The following EFTUD2 variants were observed in gnomAD, a reference collection of about 807,000 sequenced individuals.
EFTUD2 encodes the protein elongation factor Tu GTP binding domain containing 2.
Under a neutral mutation model 114.3 loss-of-function variants are expected in EFTUD2, and 9 were observed. The ratio of observed to expected loss-of-function variants is 0.08; its 90% CI spans 0.05 to 0.14. The LOEUF (loss-of-function observed/expected upper bound fraction) is 0.14, where lower values mean the gene tolerates loss of function less well. Among genes scored for constraint, EFTUD2 ranks in the 10% least tolerant of loss-of-function variants. The pLI is 1.00. For missense variants in EFTUD2, 765 were observed against 1,241.2 expected (o/e 0.62, Z 5.76); for synonymous variants, 449 against 462.3 (o/e 0.97, Z 0.37).
At chr17:44,883,978 A>C in intron 4 of EFTUD2, 1 of 468,444 alleles carries the variant, frequency 2.1e-6, no homozygotes, top group South Asian at 2.4e-5. Context: ...CTAAAAAAGG[A>C]AGAAGAGGCT....
chr17:44,875,988 G>T lies in EFTUD2; in HGVS notation c.815C>A (p.Thr272Asn). 3 of 1,614,150 alleles carry T rather than the reference G, an allele frequency of 1.9e-6. No homozygotes were observed. The highest frequency in any genetic ancestry group is 2.5e-6 in the Non-Finnish European group (3 of 1,180,046). The change falls in exon 10 of 28, where the codon ACT (threonine) becomes AAT (asparagine). Residue 272 changes from threonine (T) to asparagine (N), a missense_variant. Transcript: ENST00000426333. ...RLILELKLPP[T>N]DAYYKLRHIV... ...GTGGCGCAGCTTGTAATAAGCATCA[G>T]TTGGAGGCAGCTTCAGCTCCAGGAT... is the stretch of plus-strand genomic sequence containing the variant.
At chr17:44,860,084 T>A in intron 17 of EFTUD2, 39 bp from the exon 18 acceptor site, 1 of 1,614,078 alleles carries the variant, frequency 6.2e-7, no homozygotes, top group Non-Finnish European at 8.5e-7. Context: ...GCAACTGGCA[T>A]GAGCAGGCAC....
intron 2 of EFTUD2, among the ~76,000 whole-genome samples, chr17:44,893,132 T>G (rs73307474): frequency 0.048 from 7,262 of 151,916 alleles, 184 homozygotes; most frequent in Non-Finnish European, 0.058. Flanking sequence ...TTTTTTTTTT[T>G]TTTGTTTGAG....
intron 19 of EFTUD2, among the ~76,000 whole-genome samples, chr17:44,858,359 C>T (rs182957143): frequency 1.6e-3 from 245 of 152,246 alleles, no homozygotes; most frequent in African/African-American, 5.8e-3. Context: ...CTTCAGCCTG[C>T]GGAGTAGCTG....
Position 44,883,175 on chromosome 17 carries a change from A to G in EFTUD2, c.427-17T>C. On this transcript the variant is annotated splice_polypyrimidine_tract_variant and intron_variant, in intron 5 of 27. Transcript: ENST00000426333. ...AAAACATGTCTAAAAGGGAAGAAAC[A>G]GTTAACATCTGCCGACCACAGAGGA... 1.2e-6 allele frequency: 2 copies of G among 1,613,814 alleles called. No homozygotes were observed. Among genetic ancestry groups the G allele is most frequent in the Non-Finnish European group, 1.7e-6 (2 of 1,179,778 alleles).
rs1288938671 is a variant in EFTUD2, at chr17:44,851,706, A to G, written c.2823+4T>C. On this transcript the variant is annotated splice_donor_region_variant and intron_variant, in intron 27 of 27. Coordinates refer to ENST00000426333, the MANE Select transcript of EFTUD2 (RefSeq NM_004247.4). ...GGATGGCAACAGGCCCAAGGGAGACATACCTTCCTACGGCGGGTTTTGATC... is the reference window on the plus strand; with the variant it reads ...GGATGGCAACAGGCCCAAGGGAGACGTACCTTCCTACGGCGGGTTTTGATC... 3 of 1,589,002 alleles carry G rather than the reference A, an allele frequency of 1.9e-6. No individual in the cohort carries two copies. In the African/African-American group the frequency reaches 4.1e-5, roughly 22 times the overall value.
chr17:44,856,772 AC>A (rs1187032789), intron 20 of EFTUD2, among the ~76,000 whole-genome samples: 7 of 151,484 alleles, frequency 4.6e-5, no homozygotes, highest in Non-Finnish European at 1.0e-4. Flanking sequence ...AAAAAAAAAA[AC>A]AAAAAAACAA....
At chr17:44,874,861 C>T (rs1044590859) in intron 10 of EFTUD2, among the ~76,000 whole-genome samples, 1 of 152,234 alleles carries the variant, frequency 6.6e-6, no homozygotes, top group African/African-American at 2.4e-5. Context: ...TCAGCTGCTA[C>T]ATTGCAAGCA....
At chr17:44,879,745 C>A in intron 8 of EFTUD2, 107 bp from the exon 9 acceptor site, 1 of 1,037,296 alleles carries the variant, frequency 9.6e-7, no homozygotes, top group Non-Finnish European at 1.4e-6. Flanking sequence ...CTCCGAATAT[C>A]CCCTTTCCTC....
At chr17:44,855,287 G>A (rs2050528745) in intron 20 of EFTUD2, among the ~76,000 whole-genome samples, 1 of 152,084 alleles carries the variant, frequency 6.6e-6, no homozygotes. Context: ...AAACAGCCAG[G>A]CGCGGTGGCT....
intron 9 of EFTUD2, among the ~76,000 whole-genome samples, chr17:44,876,855 CAAAAAAA>C (rs58892812): frequency 0.25 from 11,929 of 47,942 alleles, 703 homozygotes; most frequent in South Asian, 0.37. Context: ...GACTCCGTCT[CAAAAAAA>C]AAAAAAAAAA....
chr17:44,865,021 C>T lies in EFTUD2; in HGVS notation c.1194G>A (p.Glu398=), dbSNP rs369383512. Residue 398 remains glutamate, a synonymous_variant, in exon 14 of 28, where the codon GAG becomes GAA. Transcript: ENST00000426333. ...CCTCCTTCGTCAGGTGGATGCCAAG[C>T]TCGTCTAGGGTCCGTGGGAGGCTGG... The part of the protein sequence containing the change: ...VDTSLPRTLD[E]LGIHLTKEEL... 6.2e-7 allele frequency: 1 copy of T among 1,614,070 alleles called. No homozygotes were observed. The highest frequency in any genetic ancestry group is 8.5e-7 in the Non-Finnish European group (1 of 1,180,048).
chr17:44,852,242 A>T (rs1470142672), intron 26 of EFTUD2, among the ~76,000 whole-genome samples, 167 bp downstream of exon 26: 2 of 151,104 alleles, frequency 1.3e-5, no homozygotes, highest in Non-Finnish European at 1.5e-5. Context: ...TTTTTTTTAA[A>T]CTGAGAGACA....
chr17:44,868,982 A>G (rs2050798959), intron 11 of EFTUD2, among the ~76,000 whole-genome samples: 1 of 152,252 alleles, frequency 6.6e-6, no homozygotes, highest in South Asian at 2.1e-4. Flanking sequence ...GTTGGGTGAC[A>G]TCCAATTAGA....
chr17:44,876,144 G>A (rs1390469015), intron 9 of EFTUD2, 44 bp from the exon 10 acceptor site: 4 of 1,573,136 alleles, frequency 2.5e-6, no homozygotes, highest in African/African-American at 1.3e-5. Flanking sequence ...GAACAAGGAG[G>A]GCAGAAAGTT....
intron 6 of EFTUD2, among the ~76,000 whole-genome samples, chr17:44,882,709 G>A (rs2051094876): frequency 6.6e-6 from 1 of 152,200 alleles, no homozygotes; most frequent in Non-Finnish European, 1.5e-5. Context: ...TTATTGCACT[G>A]AGACTTGCAG....
chr17:44,863,873 C>T, intron 14 of EFTUD2, 91 bp from the exon 15 acceptor site: 1 of 1,537,510 alleles, frequency 6.5e-7, no homozygotes, highest in Non-Finnish European at 8.8e-7. Flanking sequence ...TCAAAAAGCT[C>T]AAAGTGCGGG....
At position 44,854,858 on chromosome 17, in the gene EFTUD2, G is replaced by A. The variant is rs2050518939; in HGVS notation, c.2132+60C>T. ...AAAGATGTGTGCTCTTAGAGACCCG[G>A]CAGTTAAACTGTGGCATCCCTGCCT... On this transcript the variant is annotated intron_variant, in intron 21 of 27. Coordinates refer to ENST00000426333, the MANE Select transcript of EFTUD2 (RefSeq NM_004247.4). This position sits in a 1 kb window ranked among gnomAD's most constrained non-coding sequence, Gnocchi z 4.3. 1 of 1,578,888 alleles carries A rather than the reference G, an allele frequency of 6.3e-7. No homozygotes were observed. Among genetic ancestry groups the A allele is most frequent in the Non-Finnish European group, 8.7e-7 (1 of 1,148,658 alleles).
intron 13 of EFTUD2, among the ~76,000 whole-genome samples, chr17:44,867,458 C>A (rs181379286): frequency 1.6e-4 from 24 of 152,072 alleles, no homozygotes; most frequent in Non-Finnish European, 3.4e-4. Context: ...CGCCACCATG[C>A]CCAGCTAATT....
Sources: allele counts gnomAD v4.1 joint callset (sites outside exome capture counted in the v4.1 genomes callset), GRCh38; gene constraint gnomAD v4.1.1; non-coding constraint Gnocchi (gnomAD v3.1); transcripts MANE v1.5; gene names NCBI Gene and HGNC (gene_info 2026-07-23, HGNC 2026-07-21).